Variants in GABRB1 observed in about 807,000 individuals in gnomAD.
GABRB1 encodes the protein gamma-aminobutyric acid receptor subunit beta-1.
GABRB1 carries 17 observed loss-of-function variants against 51.6 expected under a neutral mutation model. The observed-to-expected ratio is 0.33, with a 90% CI of 0.23 to 0.49. The LOEUF is 0.49. Ranked by LOEUF, GABRB1 falls within the 20% of genes least tolerant of loss-of-function variation. The pLI, the probability that GABRB1 is intolerant of heterozygous loss-of-function variation, is 0.99. For synonymous variants in GABRB1, 247 were observed against 218.9 expected, an observed-to-expected ratio of 1.13 and a Z score of -1.14; for missense variants, 410 against 600.6, an observed-to-expected ratio of 0.68 and a Z score of 3.32.
chr4:47,016,675 A>T (rs1171283078), intron 1 of GABRB1, among the ~76,000 whole-genome samples: 1 of 152,004 alleles, frequency 6.6e-6, no homozygotes, highest in Non-Finnish European at 1.5e-5. Flanking sequence ...TGCAACTTCC[A>T]TCTCCTGGGT....
chr4:47,097,486 T>C (rs73813164), intron 3 of GABRB1, among the ~76,000 whole-genome samples: 2 of 149,070 alleles, frequency 1.3e-5, no homozygotes, highest in South Asian at 2.2e-4. Flanking sequence ...CAGTACTTCC[T>C]ATCCAATTTT....
At chr4:47,259,112 T>C (rs1299686634) in intron 4 of GABRB1, among the ~76,000 whole-genome samples, 2 of 152,106 alleles carry the variant, frequency 1.3e-5, no homozygotes, top group South Asian at 4.1e-4. Context: ...GCCAAATTGA[T>C]CATGCAGCAA....
At chr4:47,394,400 G>A (rs1728110174) in intron 5 of GABRB1, among the ~76,000 whole-genome samples, 1 of 152,136 alleles carries the variant, frequency 6.6e-6, no homozygotes, top group African/African-American at 2.4e-5. Context: ...ATTATTCTAT[G>A]TTTCTAACTA....
intron 4 of GABRB1, among the ~76,000 whole-genome samples, chr4:47,240,274 G>C (rs973778019): frequency 6.6e-6 from 1 of 152,194 alleles, no homozygotes; most frequent in Admixed American, 6.5e-5. Flanking sequence ...CTTTGTAAAA[G>C]TGAGCTAATA....
chr4:47,026,873 C>CT (rs1365996802), upstream of GABRB1, among the ~76,000 whole-genome samples: 1 of 151,912 alleles, frequency 6.6e-6, no homozygotes, highest in Non-Finnish European at 1.5e-5. Context: ...TAATAACGTA[C>CT]TAGAAAAGAA....
chr4:47,395,779 ATTGTTATTACC>A (rs1481840141), intron 5 of GABRB1, among the ~76,000 whole-genome samples: 1 of 152,172 alleles, frequency 6.6e-6, no homozygotes, highest in Non-Finnish European at 1.5e-5. Flanking sequence ...CCCAAAAGAA[ATTGTTATTACC>A]TTGTTATCTG....
At chr4:47,154,502 TC>T (rs1212426566) in intron 3 of GABRB1, among the ~76,000 whole-genome samples, 1 of 152,020 alleles carries the variant, frequency 6.6e-6, no homozygotes, top group Non-Finnish European at 1.5e-5. Context: ...TCAGCATACC[TC>T]CCTTTTTTCA....
intron 3 of GABRB1, among the ~76,000 whole-genome samples, chr4:47,038,775 A>G (rs1309340996): frequency 6.6e-6 from 1 of 152,214 alleles, no homozygotes; most frequent in Admixed American, 6.5e-5. Context: ...AAAGTAAAAC[A>G]TTTCAAAAGA....
chr4:47,305,048 C>A (rs1487642550), intron 4 of GABRB1, among the ~76,000 whole-genome samples: 1 of 151,836 alleles, frequency 6.6e-6, no homozygotes, highest in African/African-American at 2.4e-5. Flanking sequence ...GAAAAGAAAC[C>A]AACATTTTGT....
intron 4 of GABRB1, among the ~76,000 whole-genome samples, chr4:47,296,197 A>C (rs1435972144): frequency 1.2e-4 from 18 of 152,226 alleles, no homozygotes; most frequent in African/African-American, 3.9e-4. Context: ...GAAACTGCAT[A>C]AACTAATGAG....
intron 3 of GABRB1, among the ~76,000 whole-genome samples, chr4:47,051,518 T>C (rs1726348052): frequency 2.0e-5 from 3 of 152,210 alleles, no homozygotes; most frequent in African/African-American, 7.2e-5. Flanking sequence ...CATTGCAGTG[T>C]TGTAAAACAT....
At chr4:46,995,943 G>A (rs979188600) in intron 1 of GABRB1, among the ~76,000 whole-genome samples, 6 of 151,796 alleles carry the variant, frequency 4.0e-5, no homozygotes, top group African/African-American at 7.3e-5. Flanking sequence ...AATACTAAAG[G>A]CATTTATATC....
chr4:47,001,244 G>A (rs966403628), intron 1 of GABRB1, among the ~76,000 whole-genome samples: 8 of 152,168 alleles, frequency 5.3e-5, no homozygotes, highest in East Asian at 1.9e-4. Flanking sequence ...CCGGGTTCAC[G>A]CCATTCTCCT....
chr4:47,080,114 A>C (rs143559918), intron 3 of GABRB1, among the ~76,000 whole-genome samples: 296 of 152,300 alleles, frequency 1.9e-3, no homozygotes, highest in African/African-American at 6.8e-3. Context: ...ATTAACCTAG[A>C]TATTGATGTA....
intron 5 of GABRB1, among the ~76,000 whole-genome samples, chr4:47,327,889 G>A (rs1725314155): frequency 6.6e-6 from 1 of 152,168 alleles, no homozygotes; most frequent in Non-Finnish European, 1.5e-5. Context: ...TCGCCACACT[G>A]ACTTCCACAA....
chr4:47,006,917 G>A (rs552110802), intron 1 of GABRB1, among the ~76,000 whole-genome samples: 56 of 152,312 alleles, frequency 3.7e-4, no homozygotes, highest in African/African-American at 1.3e-3. Flanking sequence ...CACTTTGGGA[G>A]GCTGAGGCAG....
Position 47,317,269 on chromosome 4 carries a change from A to T in GABRB1, c.462-2858A>T, listed in dbSNP as rs967981304. ...CATCTCTGACTGAAAAGCATCAGCT[A>T]AATTGTAGAATCACAGGACTTGCCA... On this transcript the variant is annotated intron_variant, in intron 4 of 8. Coordinates refer to ENST00000295454, the MANE Select transcript of GABRB1 (RefSeq NM_000812.4). 1.8e-4 allele frequency among the ~76,000 whole-genome samples: 27 copies of T among 152,028 alleles called. 1 individual carries two copies. The highest frequency in any genetic ancestry group is 6.5e-4 in the African/African-American group (27 of 41,452).
chr4:47,030,186 T>G (rs564322968), upstream of GABRB1, among the ~76,000 whole-genome samples: 2 of 152,328 alleles, frequency 1.3e-5, no homozygotes, highest in East Asian at 3.9e-4. Context: ...GGTCATATTT[T>G]GTGTATTTAA....
chr4:47,112,047 G>A (rs985381903), intron 3 of GABRB1, among the ~76,000 whole-genome samples: 2 of 148,840 alleles, frequency 1.3e-5, no homozygotes, highest in Non-Finnish European at 3.0e-5. Context: ...TCGGCTCACT[G>A]CAACCTCCAC....
Sources: gnomAD v4.1 joint callset for allele counts (sites outside exome capture counted in the v4.1 genomes callset) on GRCh38, gnomAD v4.1.1 for gene constraint, MANE v1.5 for transcripts, NCBI Gene and HGNC (gene_info 2026-07-23, HGNC 2026-07-21) for gene names.